ZMAT4: variants seen among roughly 807,000 people sequenced by gnomAD.
The protein encoded by ZMAT4 is zinc finger matrin-type protein 4.
In ZMAT4, 17 loss-of-function variants were observed where a neutral mutation model predicts 28.7. That is an observed-to-expected ratio of 0.59 (90% CI 0.41 to 0.89). ZMAT4 has a LOEUF of 0.89. ZMAT4 is among the 40% of genes least tolerant of loss of function. The pLI is 0.00. For synonymous variants in ZMAT4, 117 were observed against 109.2 expected (o/e 1.07, Z -0.44); for missense variants, 240 against 283.8 (o/e 0.85, Z 1.11).
chr8:40,708,166 A>G (rs1810443751), intron 3 of ZMAT4, among the ~76,000 whole-genome samples: 1 of 152,228 alleles, frequency 6.6e-6, no homozygotes, highest in Non-Finnish European at 1.5e-5. Context: ...AGGGAAATAG[A>G]GTGAGGCAAT....
intron 6 of ZMAT4, among the ~76,000 whole-genome samples, chr8:40,563,933 C>T (rs1353046884): frequency 6.6e-6 from 1 of 152,096 alleles, no homozygotes; most frequent in African/African-American, 2.4e-5. Flanking sequence ...GGCAGGTCTC[C>T]TACAGGGGAA....
intron 1 of ZMAT4, among the ~76,000 whole-genome samples, chr8:40,878,132 C>T (rs1387920954): frequency 1.3e-5 from 2 of 152,172 alleles, no homozygotes; most frequent in African/African-American, 4.8e-5. Flanking sequence ...AAACATATAG[C>T]GGCTCCTCAG....
At chr8:40,737,928 T>C in intron 3 of ZMAT4, among the ~76,000 whole-genome samples, 1 of 152,028 alleles carries the variant, frequency 6.6e-6, no homozygotes, top group South Asian at 2.1e-4. Flanking sequence ...GTCATGTTAG[T>C]GATTAATATG....
At chr8:40,708,530 T>C (rs1810460023) in intron 3 of ZMAT4, among the ~76,000 whole-genome samples, 1 of 150,944 alleles carries the variant, frequency 6.6e-6, no homozygotes, top group Non-Finnish European at 1.5e-5. Flanking sequence ...ATTCTGTTCT[T>C]AAACACTATG....
chr8:40,711,591 C>G (rs1382986377), intron 3 of ZMAT4, among the ~76,000 whole-genome samples: 1 of 152,104 alleles, frequency 6.6e-6, no homozygotes, highest in East Asian at 1.9e-4. Flanking sequence ...CTCTTTAGGT[C>G]AAATGCCCCC....
rs75814765 is a variant in ZMAT4, at chr8:40,853,232, A to G, written c.-4-27552T>C. ...TTTTGCAACTCAGAATATTAAAAAG[A>G]TGTGTTTTCAAGGTTGACATTTAAT... is the stretch of plus-strand genomic sequence containing the variant. On this transcript the variant is annotated intron_variant, in intron 1 of 6. Transcript: ENST00000297737. Among the ~76,000 whole-genome samples, 553 of 152,292 alleles carry G rather than the reference A, an allele frequency of 3.6e-3. 33 individuals carry two copies. The East Asian group carries it at 0.099, about 27-fold the overall frequency.
At chr8:40,801,508 A>G (rs1205555130) in intron 2 of ZMAT4, among the ~76,000 whole-genome samples, 1 of 151,594 alleles carries the variant, frequency 6.6e-6, no homozygotes, top group Non-Finnish European at 1.5e-5. Context: ...TCTCTACTAA[A>G]AAATACAAAA....
intron 5 of ZMAT4, among the ~76,000 whole-genome samples, chr8:40,641,133 G>A (rs1278928070): frequency 6.6e-6 from 1 of 152,128 alleles, no homozygotes; most frequent in Non-Finnish European, 1.5e-5. Context: ...GAATTATTTT[G>A]TAAATATGTG....
intron 1 of ZMAT4, among the ~76,000 whole-genome samples, chr8:40,891,252 AGGGGGAG>A (rs1818668436): frequency 8.9e-5 from 2 of 22,544 alleles, no homozygotes; most frequent in African/African-American, 1.7e-4. Flanking sequence ...GCAAGGGGGA[AGGGGGAG>A]GGGGGAGGGG....
At chr8:40,760,888 C>G (rs1407636021) in intron 3 of ZMAT4, among the ~76,000 whole-genome samples, 1 of 152,126 alleles carries the variant, frequency 6.6e-6, no homozygotes, top group East Asian at 1.9e-4. Context: ...CAGCTATGGT[C>G]AGCTACAATC....
At chr8:40,623,851 G>C (rs1806283467) in intron 5 of ZMAT4, among the ~76,000 whole-genome samples, 1 of 152,202 alleles carries the variant, frequency 6.6e-6, no homozygotes. Flanking sequence ...ATACAGTGCT[G>C]AATTGCCTTA....
At chr8:40,573,706 T>G (rs1804172351) in intron 6 of ZMAT4, among the ~76,000 whole-genome samples, 1 of 152,220 alleles carries the variant, frequency 6.6e-6, no homozygotes, top group African/African-American at 2.4e-5. Context: ...AAATCTGTTT[T>G]GAGAACAATT....
At chr8:40,563,803 C>A (rs1803826137) in intron 6 of ZMAT4, among the ~76,000 whole-genome samples, 1 of 152,028 alleles carries the variant, frequency 6.6e-6, no homozygotes, top group Non-Finnish European at 1.5e-5. Context: ...GTGGCTCTGT[C>A]CTTAAAGGCA....
intron 5 of ZMAT4, among the ~76,000 whole-genome samples, chr8:40,583,027 T>A (rs1804545903): frequency 6.6e-6 from 1 of 152,098 alleles, no homozygotes; most frequent in Admixed American, 6.5e-5. Flanking sequence ...AAGAAGAGAC[T>A]GAAGAAGAAA....
intron 6 of ZMAT4, among the ~76,000 whole-genome samples, chr8:40,552,990 C>T (rs1361017748): frequency 6.6e-6 from 1 of 152,168 alleles, no homozygotes; most frequent in African/African-American, 2.4e-5. Context: ...TGCTCAAGGT[C>T]ATCGCCAAGG....
chr8:40,630,606 G>C (rs1301714858), intron 5 of ZMAT4, among the ~76,000 whole-genome samples: 1 of 152,154 alleles, frequency 6.6e-6, no homozygotes, highest in Non-Finnish European at 1.5e-5. Context: ...AATACAAGTG[G>C]TATATGTATC....
intron 5 of ZMAT4, among the ~76,000 whole-genome samples, chr8:40,615,166 A>C (rs1805952944): frequency 6.6e-6 from 1 of 152,038 alleles, no homozygotes; most frequent in Admixed American, 6.6e-5. Context: ...AAAGTATTTT[A>C]TTTCTCCTTC....
At chr8:40,734,484 A>G (rs562400459) in intron 3 of ZMAT4, among the ~76,000 whole-genome samples, 16 of 152,236 alleles carry the variant, frequency 1.1e-4, no homozygotes, top group Non-Finnish European at 1.3e-4. Flanking sequence ...TTCCTTGTGA[A>G]GAGACTGCCC....
chr8:40,682,914 T>C (rs28683507), intron 4 of ZMAT4, among the ~76,000 whole-genome samples: 1 of 152,292 alleles, frequency 6.6e-6, no homozygotes, highest in African/African-American at 2.4e-5. Flanking sequence ...AGCCATTAAA[T>C]AGAACTTTAG....
Sources: gnomAD v4.1 joint callset for allele counts (sites outside exome capture counted in the v4.1 genomes callset) on GRCh38, gnomAD v4.1.1 for gene constraint, MANE v1.5 for transcripts, NCBI Gene and HGNC (gene_info 2026-07-23, HGNC 2026-07-21) for gene names.